Variants in SLC24A2 observed in about 807,000 individuals in gnomAD.
SLC24A2 encodes the protein solute carrier family 24 member 2, also known as sodium/potassium/calcium exchanger 2.
In SLC24A2, 36 loss-of-function variants were observed where a neutral mutation model predicts 62.0. That is an observed-to-expected ratio of 0.58 (90% CI 0.44 to 0.77). SLC24A2 has a LOEUF of 0.77. Ranked by LOEUF, SLC24A2 falls within the 30% of genes least tolerant of loss-of-function variation. The probability of loss-of-function intolerance (pLI) is 0.00; values close to 1 mark genes in which losing one functional copy is unlikely to be tolerated. For synonymous variants in SLC24A2, 358 were observed against 294.0 expected, an observed-to-expected ratio of 1.22 and a Z score of -2.23; for missense variants, 846 against 817.9, an observed-to-expected ratio of 1.03 and a Z score of -0.42.
chr9:20,216,711 G>A, the SLC24A2 span, among the ~76,000 whole-genome samples: 1 of 152,104 alleles, frequency 6.6e-6, no homozygotes, highest in Non-Finnish European at 1.5e-5. Flanking sequence ...TGAACAGAAA[G>A]CTATCTCAAT....
chr9:20,082,203 C>G, the SLC24A2 span, among the ~76,000 whole-genome samples: 1 of 152,184 alleles, frequency 6.6e-6, no homozygotes, highest in African/African-American at 2.4e-5. Context: ...AGAATACAAA[C>G]TTGATACCCT....
chr9:19,944,729 G>A, the SLC24A2 span, among the ~76,000 whole-genome samples: 4 of 149,530 alleles, frequency 2.7e-5, no homozygotes, highest in South Asian at 6.5e-4. Context: ...AGTATAATGC[G>A]CATGCAGGTG....
chr9:20,157,840 C>A, the SLC24A2 span, among the ~76,000 whole-genome samples: 3 of 151,594 alleles, frequency 2.0e-5, no homozygotes, highest in African/African-American at 7.3e-5. Context: ...ATTAGAGAAA[C>A]TGTGCTTCAT....
intron 2 of SLC24A2, among the ~76,000 whole-genome samples, chr9:19,727,793 G>T (rs968418903): frequency 4.5e-4 from 69 of 152,282 alleles, no homozygotes; most frequent in African/African-American, 1.3e-3. Flanking sequence ...GCAAAGGTCT[G>T]ATCAGTTTTA....
chr9:20,258,689 T>C, the SLC24A2 span, among the ~76,000 whole-genome samples: 1 of 152,182 alleles, frequency 6.6e-6, no homozygotes, highest in South Asian at 2.1e-4. Context: ...GTTCGCCAGC[T>C]TGCAGATGGT....
At chr9:19,934,038 G>C in the SLC24A2 span, among the ~76,000 whole-genome samples, 1 of 152,116 alleles carries the variant, frequency 6.6e-6, no homozygotes, top group African/African-American at 2.4e-5. This position sits in a 1 kb window ranked among gnomAD's most constrained non-coding sequence, Gnocchi z 4.1. Context: ...AAATGTTCTG[G>C]ACTTAGTTGT....
At chr9:20,034,178 C>T in the SLC24A2 span, among the ~76,000 whole-genome samples, 441 of 152,248 alleles carry the variant, frequency 2.9e-3, no homozygotes, top group Non-Finnish European at 4.9e-3. Flanking sequence ...ATTATCTACA[C>T]GACCCCTTCC....
At chr9:20,289,988 C>A in the SLC24A2 span, among the ~76,000 whole-genome samples, 3 of 152,156 alleles carry the variant, frequency 2.0e-5, no homozygotes, top group Non-Finnish European at 2.9e-5. Flanking sequence ...TAAATCAGGG[C>A]TGGGATGCGC....
chr9:19,654,245 C>T (rs1028859059), intron 2 of SLC24A2, among the ~76,000 whole-genome samples: 22 of 152,164 alleles, frequency 1.4e-4, no homozygotes, highest in Admixed American at 6.6e-5. Flanking sequence ...GAGATGCATT[C>T]GTCCTGCTGC....
At position 19,602,955 on chromosome 9, in the gene SLC24A2, C is replaced by T. The variant is rs141266585; in HGVS notation, c.1079-5676G>A. On this transcript the variant is annotated intron_variant, in intron 4 of 10. Transcript: ENST00000341998. ...CCTCCCCATGCATCAATTCAGAGTTCGAGCTGAATATTCAACATTTTCTCT... is the reference window on the plus strand; with the variant it reads ...CCTCCCCATGCATCAATTCAGAGTTTGAGCTGAATATTCAACATTTTCTCT... Among the ~76,000 whole-genome samples, 179 of 152,192 alleles carry T rather than the reference C, an allele frequency of 1.2e-3. 1 individual carries two copies. The highest frequency in any genetic ancestry group is 3.9e-3 in the African/African-American group (160 of 41,514).
At chr9:20,226,462 A>G in the SLC24A2 span, among the ~76,000 whole-genome samples, 1 of 152,140 alleles carries the variant, frequency 6.6e-6, no homozygotes, top group Non-Finnish European at 1.5e-5. Context: ...CTTCAAAACC[A>G]CATGCTAACC....
chr9:19,947,964 T>C, the SLC24A2 span, among the ~76,000 whole-genome samples: 3 of 152,284 alleles, frequency 2.0e-5, no homozygotes, highest in East Asian at 5.8e-4. Flanking sequence ...ATAATTTCTG[T>C]CTCACCCTAA....
chr9:19,647,054 AC>A (rs1818658383), intron 2 of SLC24A2, among the ~76,000 whole-genome samples: 1 of 60,320 alleles, frequency 1.7e-5, no homozygotes, highest in African/African-American at 7.0e-5. Context: ...CTTTCCACAC[AC>A]ACACACACGC....
chr9:19,919,951 T>C, the SLC24A2 span, among the ~76,000 whole-genome samples: 1 of 152,140 alleles, frequency 6.6e-6, no homozygotes, highest in South Asian at 2.1e-4. Context: ...AGCCAAACTA[T>C]ATCAGAGCCC....
At chr9:19,519,086 CAA>C (rs961889454) in intron 10 of SLC24A2, among the ~76,000 whole-genome samples, 7 of 151,962 alleles carry the variant, frequency 4.6e-5, no homozygotes, top group Non-Finnish European at 1.0e-4. Flanking sequence ...CACTGAAAAA[CAA>C]GAGGGAATAT....
the SLC24A2 span, among the ~76,000 whole-genome samples, chr9:20,037,079 G>A: frequency 6.6e-6 from 1 of 151,978 alleles, no homozygotes; most frequent in African/African-American, 2.4e-5. Context: ...TGTACTTTTA[G>A]TAGAAATGGA....
the SLC24A2 span, among the ~76,000 whole-genome samples, chr9:19,947,608 G>A: frequency 1.3e-5 from 2 of 151,672 alleles, no homozygotes; most frequent in African/African-American, 2.4e-5. Flanking sequence ...GGCTAACACG[G>A]TGAAACCCTG....
chr9:19,972,185 G>T, the SLC24A2 span, among the ~76,000 whole-genome samples: 1 of 152,246 alleles, frequency 6.6e-6, no homozygotes, highest in Admixed American at 6.5e-5. Flanking sequence ...CTTGGTGGCA[G>T]TAGGAAGGGA....
At chr9:19,830,068 G>A in the SLC24A2 span, among the ~76,000 whole-genome samples, 1 of 151,944 alleles carries the variant, frequency 6.6e-6, no homozygotes, top group South Asian at 2.1e-4. Context: ...GGTGATGAGG[G>A]AGCCAGTCCA....
Sources: allele counts gnomAD v4.1 joint callset (sites outside exome capture counted in the v4.1 genomes callset), GRCh38; gene constraint gnomAD v4.1.1; non-coding constraint Gnocchi (gnomAD v3.1); transcripts MANE v1.5; gene names NCBI Gene and HGNC (gene_info 2026-07-23, HGNC 2026-07-21).